Variants in EDC4 observed in about 807,000 individuals in gnomAD.
EDC4 encodes the protein enhancer of mRNA decapping 4, also known as enhancer of mRNA-decapping protein 4.
EDC4 carries 64 observed loss-of-function variants against 155.8 expected under a neutral mutation model. The ratio of observed to expected loss-of-function variants is 0.41; its 90% CI spans 0.34 to 0.51. The LOEUF is 0.51. EDC4 is among the 20% of genes least tolerant of loss of function. The pLI, the probability that EDC4 is intolerant of heterozygous loss-of-function variation, is 0.19. For synonymous variants in EDC4, 684 were observed against 716.8 expected (o/e 0.95, Z 0.73); for missense variants, 1,303 against 1,812.5 (o/e 0.72, Z 5.10).
intron 1 of EDC4, among the ~76,000 whole-genome samples, chr16:67,874,204 A>G (rs185572167): frequency 6.6e-6 from 1 of 152,290 alleles, no homozygotes; most frequent in East Asian, 1.9e-4. Flanking sequence ...GCCACCTATT[A>G]GGAAGAGGAA....
At position 67,882,331 on chromosome 16, in the gene EDC4, C is replaced by G; in HGVS notation, c.3276+4C>G. The stretch of plus-strand genomic sequence containing the variant: ...CTCCAAGCTGCTCAAGTCCAAGGTG[C>G]TATAGGGCCCAAGATGTGGGTGGAG... On this transcript the variant is annotated splice_donor_region_variant and intron_variant, in intron 24 of 28. Coordinates refer to ENST00000358933, the MANE Select transcript of EDC4 (RefSeq NM_014329.5). This position sits in a 1 kb window ranked among gnomAD's most constrained non-coding sequence, Gnocchi z 7.2. 6.2e-7 allele frequency: 1 copy of G among 1,613,800 alleles called. No homozygotes were observed.
Position 67,877,147 on chromosome 16 carries a change from G to C in EDC4, c.452-70G>C. 6.5e-7 allele frequency: 1 copy of C among 1,544,712 alleles called. No individual in the cohort carries two copies. The highest frequency in any genetic ancestry group is 8.7e-7 in the Non-Finnish European group (1 of 1,144,062). On this transcript the variant is annotated intron_variant, in intron 4 of 28. Transcript: ENST00000358933. This position sits in a 1 kb window ranked among gnomAD's most constrained non-coding sequence, Gnocchi z 4.9. ...CTCTGGTGGTGGCAGGGAGACAGGTGGGGCAGCGCTTCTCTGCTACTGCCT... is the reference window on the plus strand; with the variant it reads ...CTCTGGTGGTGGCAGGGAGACAGGTCGGGCAGCGCTTCTCTGCTACTGCCT...
Position 67,879,582 on chromosome 16 carries a change from T to C in EDC4, c.1634-5T>C. The C allele has an allele frequency of 6.2e-7, 1 of 1,613,844 alleles. No homozygotes were observed. Among genetic ancestry groups the C allele is most frequent in the Non-Finnish European group, 8.5e-7 (1 of 1,179,786 alleles). Reference sequence around the variant, plus strand: ...ATCTAACTCAAGTGGCAACTTGCCCTGCAGCATTTGGAGAGTCTCGGCCCG... The same window carrying C: ...ATCTAACTCAAGTGGCAACTTGCCCCGCAGCATTTGGAGAGTCTCGGCCCG... On this transcript the variant is annotated splice_region_variant and splice_polypyrimidine_tract_variant and intron_variant, in intron 14 of 28. Transcript: ENST00000358933. The surrounding 1 kb of genome is among the most constrained non-coding windows in gnomAD (Gnocchi z 6.0).
Position 67,883,566 on chromosome 16 carries a change from A to C in EDC4, c.3850-2A>C. The C allele has an allele frequency of 6.2e-7, 1 of 1,613,318 alleles. No homozygotes were observed. The highest frequency in any genetic ancestry group is 8.5e-7 in the Non-Finnish European group (1 of 1,179,952). ...AAACACTGCTGCTTTTTTCTCCTCCAGGCGCTGACAGCTGCTGACCTGAAC... is the reference window on the plus strand; with the variant it reads ...AAACACTGCTGCTTTTTTCTCCTCCCGGCGCTGACAGCTGCTGACCTGAAC... On this transcript the variant is annotated splice_acceptor_variant, in intron 27 of 28. Coordinates refer to ENST00000358933, the MANE Select transcript of EDC4 (RefSeq NM_014329.5). LOFTEE classifies it high-confidence loss of function. This position sits in a 1 kb window ranked among gnomAD's most constrained non-coding sequence, Gnocchi z 5.3.
chr16:67,876,312 A>G lies in EDC4; in HGVS notation c.240-176A>G, dbSNP rs1666303805. 9 of 754,250 alleles carry G rather than the reference A, an allele frequency of 1.2e-5. No individual in the cohort carries two copies. The highest frequency in any genetic ancestry group is 1.3e-5 in the Non-Finnish European group (8 of 618,884). 46.7% of individuals were successfully genotyped at this position (754,250 alleles called of 1,614,324 possible). A position where few individuals can be genotyped will look rare whatever the true frequency, so the allele number is the denominator to read the frequency against. On this transcript the variant is annotated intron_variant, in intron 2 of 28. Coordinates refer to ENST00000358933, the MANE Select transcript of EDC4 (RefSeq NM_014329.5). The surrounding 1 kb of genome is among the most constrained non-coding windows in gnomAD (Gnocchi z 5.8). ...CCTGGTTTAGAATGAAAGTAGGCTC[A>G]TTCCCAAGGAAGGAGATGAGCAAGC...
rs929431574 is a variant in EDC4 at position 67,884,224 on chromosome 16, G to A, written c.*76G>A. On this transcript the variant is annotated 3_prime_UTR_variant, in exon 29 of 29. Coordinates refer to ENST00000358933, the MANE Select transcript of EDC4 (RefSeq NM_014329.5). This position sits in a 1 kb window ranked among gnomAD's most constrained non-coding sequence, Gnocchi z 4.1. ...CAGGCCTAGGCTGGGGCAGGGTCAC[G>A]GCTGGCCTTTACCTGCTCAGGCCCC... 2.1e-5 allele frequency: 29 copies of A among 1,400,298 alleles called. No individual in the cohort carries two copies. The African/African-American group carries it at 3.6e-4, about 17-fold the overall frequency. The allele number at this position is 1,400,298 out of a possible 1,614,324, so 86.7% of individuals were successfully genotyped here.
At position 67,880,217 on chromosome 16, in the gene EDC4, G is replaced by A; in HGVS notation, c.2097+1G>A. 1 of 1,599,946 alleles carries A rather than the reference G, an allele frequency of 6.3e-7. No homozygotes were observed. The highest frequency in any genetic ancestry group is 8.5e-7 in the Non-Finnish European group (1 of 1,174,866). ...ACTGACTCCCAAGGGGCCGGGCCAG[G>A]TGTGTGACTGGGTGTGTGTGTGAAG... On this transcript the variant is annotated splice_donor_variant, in intron 17 of 28. Coordinates refer to ENST00000358933, the MANE Select transcript of EDC4 (RefSeq NM_014329.5). LOFTEE classifies it high-confidence loss of function. The surrounding 1 kb of genome is among the most constrained non-coding windows in gnomAD (Gnocchi z 5.2).
Position 67,879,389 on chromosome 16 carries a change from T to C in EDC4, c.1542-23T>C. The C allele has an allele frequency of 6.2e-7, 1 of 1,614,240 alleles. No individual in the cohort carries two copies. Among genetic ancestry groups the C allele is most frequent in the Non-Finnish European group, 8.5e-7 (1 of 1,180,032 alleles). On this transcript the variant is annotated intron_variant, in intron 13 of 28. Transcript: ENST00000358933. This position sits in a 1 kb window ranked among gnomAD's most constrained non-coding sequence, Gnocchi z 6.0. ...TGACCCTTGCCCTTGGAGCACTTTA[T>C]TCTCCCCCTTCTTTTCCTGCAGGGC...
chr16:67,873,204 TGGTGCGCGGCGGCGGCGGAACGAACGC>T lies in EDC4; in HGVS notation c.-51_-25del, dbSNP rs1047941888. 1 of 1,268,924 alleles carries T rather than the reference TGGTGCGCGGCGGCGGCGGAACGAACGC, an allele frequency of 7.9e-7. No individual in the cohort carries two copies. The highest frequency in any genetic ancestry group is 1.8e-5 in the South Asian group (1 of 56,592). 78.6% of individuals were successfully genotyped at this position (1,268,924 alleles called of 1,614,324 possible). The stretch of plus-strand genomic sequence containing the variant: ...CCCGTGGCGGGTGAGCGAGGGTGCG[TGGTGCGCGGCGGCGGCGGAACGAACGC>T]GGTGCGGGCGGGGCGCCCGCCGCAG... On this transcript the variant is annotated 5_prime_UTR_variant, in exon 1 of 29. Coordinates refer to ENST00000358933, the MANE Select transcript of EDC4 (RefSeq NM_014329.5).
chr16:67,874,659 G>A (rs1202456385), intron 1 of EDC4, among the ~76,000 whole-genome samples: 4 of 152,206 alleles, frequency 2.6e-5, no homozygotes, highest in Admixed American at 2.6e-4. Flanking sequence ...AGCTAAAGTG[G>A]CTCTGATCTG....
chr16:67,879,888 C>CAGCAGCGGT lies in EDC4; in HGVS notation c.1866_1867insGGTAGCAGC (p.Ser622_Ser623insGlySerSer). 1 of 1,612,372 alleles carries CAGCAGCGGT rather than the reference C, an allele frequency of 6.2e-7. No individual in the cohort carries two copies. The highest frequency in any genetic ancestry group is 1.7e-5 in the Admixed American group (1 of 59,962). On this transcript the variant is annotated inframe_insertion, in exon 16 of 29. Coordinates refer to ENST00000358933, the MANE Select transcript of EDC4 (RefSeq NM_014329.5). The surrounding 1 kb of genome is among the most constrained non-coding windows in gnomAD (Gnocchi z 6.0). ...CCAGCAGCAGCAGCAGCGGTAGCAG[C>CAGCAGCGGT]AGCAGCAGCAGCAGTAGCAGCAGCT...
Position 67,877,432 on chromosome 16 carries a change from G to A in EDC4, c.641+26G>A, listed in dbSNP as rs753919917. The A allele has an allele frequency of 6.2e-7, 1 of 1,610,854 alleles. No individual in the cohort carries two copies. Among genetic ancestry groups the A allele is most frequent in the South Asian group, 1.1e-5 (1 of 90,996 alleles). ...GTATCCATTCCTTCCTGTGGGTGGT[G>A]GGACTGAAGAAGGGTGGGCGGAGCT... On this transcript the variant is annotated intron_variant, in intron 5 of 28. Transcript: ENST00000358933. This position sits in a 1 kb window ranked among gnomAD's most constrained non-coding sequence, Gnocchi z 4.9.
chr16:67,878,053 C>T lies in EDC4; in HGVS notation c.895-113C>T, dbSNP rs2058049267. 2.0e-6 allele frequency: 3 copies of T among 1,526,118 alleles called. No individual in the cohort carries two copies. Among genetic ancestry groups the T allele is most frequent in the Non-Finnish European group, 2.7e-6 (3 of 1,132,042 alleles). The allele number at this position is 1,526,118 out of a possible 1,614,324, so 94.5% of individuals were successfully genotyped here. A position where few individuals can be genotyped will look rare whatever the true frequency, so the allele number is the denominator to read the frequency against. ...TCTCTAGGAACCCTGTTCATTTAGT[C>T]AGTCACACAAGCATGCCAGTCCCAC... On this transcript the variant is annotated intron_variant, in intron 7 of 28. Coordinates refer to ENST00000358933, the MANE Select transcript of EDC4 (RefSeq NM_014329.5). This position sits in a 1 kb window ranked among gnomAD's most constrained non-coding sequence, Gnocchi z 5.2.
At chr16:67,875,923 G>A (rs1361877700) in intron 1 of EDC4, 22 bp from the exon 2 acceptor site, 1 of 1,608,038 alleles carries the variant, frequency 6.2e-7, no homozygotes, top group Non-Finnish European at 8.5e-7. Context: ...AACCTTATCA[G>A]AATGACCCTC....
rs879181576 is a variant in EDC4 at position 67,880,843 on chromosome 16, T to C, written c.2384T>C (p.Leu795Pro). 6.2e-7 allele frequency: 1 copy of C among 1,613,902 alleles called. No individual in the cohort carries two copies. The highest frequency in any genetic ancestry group is 8.5e-7 in the Non-Finnish European group (1 of 1,179,992). The change falls in exon 18 of 29, where the codon CTT (leucine) becomes CCT (proline). Residue 795 changes from leucine to proline, a missense_variant. Leu to Pro is a moderately conservative substitution (Grantham distance 98, BLOSUM62 -3). Around this residue, in one of 5 missense-constraint regions of EDC4, gnomAD observed 391 missense variants for 445.4 expected, o/e 0.88. Transcript: ENST00000358933. This position sits in a 1 kb window ranked among gnomAD's most constrained non-coding sequence, Gnocchi z 5.2. ...CCCGAGCTCGGCCCCCAGCTCGGGC[T>C]TGATGGAGGCCCTGGGGATGGAGAT... ...PGPELGPQLG[L>P]DGGPGDGDRH... is the part of the protein sequence containing the mutation.
chr16:67,877,913 T>A lies in EDC4; in HGVS notation c.894+68T>A. 6.3e-7 allele frequency: 1 copy of A among 1,591,804 alleles called. No homozygotes were observed. Among genetic ancestry groups the A allele is most frequent in the Non-Finnish European group, 8.6e-7 (1 of 1,167,792 alleles). On this transcript the variant is annotated intron_variant, in intron 7 of 28. Transcript: ENST00000358933. This position sits in a 1 kb window ranked among gnomAD's most constrained non-coding sequence, Gnocchi z 4.9. Reference sequence around the variant, plus strand: ...TCATATCCATCTTCTGTTCCCTATATCCACAGCTGCCCGGGCAGCTTTACT... The same window carrying A: ...TCATATCCATCTTCTGTTCCCTATAACCACAGCTGCCCGGGCAGCTTTACT...
Position 67,878,990 on chromosome 16 carries a change from G to A in EDC4, c.1321G>A (p.Glu441Lys), listed in dbSNP as rs1364642777. 1.2e-6 allele frequency: 2 copies of A among 1,611,382 alleles called. No individual in the cohort carries two copies. Among genetic ancestry groups the A allele is most frequent in the Non-Finnish European group, 1.7e-6 (2 of 1,179,170 alleles). The stretch of plus-strand genomic sequence containing the variant: ...TGTGATGGAGCTGCTGCAAAACCAG[G>A]AGGAGGGCCACGCCTGCTTCAGCTC... ...LYVMELLQNQ[E>K]EGHACFSSIS... The change falls in exon 12 of 29, where the codon GAG (glutamate) becomes AAG (lysine). Residue 441 changes from glutamate to lysine, a missense_variant. Physicochemically the swap from Glu to Lys is moderately conservative, Grantham distance 56. Coordinates refer to ENST00000358933, the MANE Select transcript of EDC4 (RefSeq NM_014329.5). This position sits in a 1 kb window ranked among gnomAD's most constrained non-coding sequence, Gnocchi z 5.2.
chr16:67,882,615 C>T lies in EDC4; in HGVS notation c.3442+21C>T, dbSNP rs2058073682. The T allele has an allele frequency of 1.2e-6, 2 of 1,614,082 alleles. No homozygotes were observed. Among genetic ancestry groups the T allele is most frequent in the Non-Finnish European group, 8.5e-7 (1 of 1,180,054 alleles). The stretch of plus-strand genomic sequence containing the variant: ...GGAATGTGAGTGGGGTCATATGGCC[C>T]AAGGTGGGAGGGGTTATCCTCTTTC... On this transcript the variant is annotated intron_variant, in intron 25 of 28. Coordinates refer to ENST00000358933, the MANE Select transcript of EDC4 (RefSeq NM_014329.5). This position sits in a 1 kb window ranked among gnomAD's most constrained non-coding sequence, Gnocchi z 7.2.
chr16:67,876,309 C>T lies in EDC4; in HGVS notation c.240-179C>T, dbSNP rs538385041. The T allele has an allele frequency of 2.1e-5, 15 of 731,444 alleles. No homozygotes were observed. Among genetic ancestry groups the T allele is most frequent in the Admixed American group, 1.3e-4 (2 of 15,948 alleles). 45.3% of individuals were successfully genotyped at this position (731,444 alleles called of 1,614,324 possible). A position where few individuals can be genotyped will look rare whatever the true frequency, so the allele number is the denominator to read the frequency against. ...ATACCTGGTTTAGAATGAAAGTAGG[C>T]TCATTCCCAAGGAAGGAGATGAGCA... On this transcript the variant is annotated intron_variant, in intron 2 of 28. Coordinates refer to ENST00000358933, the MANE Select transcript of EDC4 (RefSeq NM_014329.5). This position sits in a 1 kb window ranked among gnomAD's most constrained non-coding sequence, Gnocchi z 5.8.
Sources: gnomAD v4.1 joint callset for allele counts (sites outside exome capture counted in the v4.1 genomes callset) on GRCh38, gnomAD v4.1.1 for gene constraint, gnomAD v4.1.1 regional missense constraint, Gnocchi (gnomAD v3.1) non-coding constraint, MANE v1.5 for transcripts, NCBI Gene and HGNC (gene_info 2026-07-23, HGNC 2026-07-21) for gene names.